ZNF8: variants seen among roughly 807,000 people sequenced by gnomAD.
The protein encoded by ZNF8 is zinc finger protein 8, also known as zinc finger protein 272.
A neutral mutation model predicts 12.2 loss-of-function variants in ZNF8; 9 were observed. That is an observed-to-expected ratio of 0.73 (90% CI 0.44 to 1.28). The LOEUF is 1.28. ZNF8 is among the 50% of genes most tolerant of loss of function. ZNF8 has a pLI of 0.00. For missense variants in ZNF8, 664 were observed against 729.1 expected (o/e 0.91, Z 1.03); for synonymous variants, 274 against 282.3 (o/e 0.97, Z 0.30).
intron 1 of ZNF8, among the ~76,000 whole-genome samples, chr19:58,283,056 C>T (rs1331746162): frequency 6.6e-6 from 1 of 151,412 alleles, no homozygotes; most frequent in Non-Finnish European, 1.5e-5. Flanking sequence ...TGGCTTGCTG[C>T]AACCTCCACT....
intron 3 of ZNF8, among the ~76,000 whole-genome samples, chr19:58,291,076 C>A (rs1236423884): frequency 6.6e-6 from 1 of 152,106 alleles, no homozygotes; most frequent in Non-Finnish European, 1.5e-5. Flanking sequence ...AGGCAGATCC[C>A]ACTCCCAGTG....
At chr19:58,285,545 A>G (rs1329456841) in intron 1 of ZNF8, among the ~76,000 whole-genome samples, 172 bp from the exon 2 acceptor site, 3 of 152,092 alleles carry the variant, frequency 2.0e-5, no homozygotes, top group African/African-American at 7.2e-5. Flanking sequence ...TGTACAACCC[A>G]CACCTATGTG....
Position 58,295,257 on chromosome 19 carries a change from C to T in ZNF8, c.1449C>T (p.Ile483=). 1 of 1,614,228 alleles carries T rather than the reference C, an allele frequency of 6.2e-7. No individual in the cohort carries two copies. The highest frequency in any genetic ancestry group is 8.5e-7 in the Non-Finnish European group (1 of 1,180,034). ...GKCFIQSSHL[I]RHQITHTREE... ...GTTTCATTCAGAGCTCTCACCTCAT[C>T]CGGCACCAGATAACTCACACCAGAG... The change falls in exon 4 of 4, where the codon ATC becomes ATT. Residue 483 remains isoleucine, a synonymous_variant. Coordinates refer to ENST00000621650, the MANE Select transcript of ZNF8 (RefSeq NM_021089.3).
rs260472 is a variant in ZNF8, at chr19:58,296,391, A to G, written c.*855A>G. On this transcript the variant is annotated 3_prime_UTR_variant, in exon 4 of 4. Coordinates refer to ENST00000621650, the MANE Select transcript of ZNF8 (RefSeq NM_021089.3). Reference sequence around the variant, plus strand: ...ACATCTGGTGTTGCTATGAGCCAGAAGTTCTTTTTTTTGTTTTTTGTCTGA... The same window carrying G: ...ACATCTGGTGTTGCTATGAGCCAGAGGTTCTTTTTTTTGTTTTTTGTCTGA... 0.96 allele frequency: 146,738 copies of G among 152,184 alleles called. 70,966 individuals carry two copies. Among genetic ancestry groups the G allele is most frequent in the Admixed American group, 0.98 (14,987 of 15,286 alleles). 9.4% of individuals were successfully genotyped at this position (152,184 alleles called of 1,614,324 possible). A position where few individuals can be genotyped will look rare whatever the true frequency, so the allele number is the denominator to read the frequency against.
rs2051492008 is a variant in ZNF8 at position 58,301,631 on chromosome 19, C to T, written c.*6095C>T. 6.6e-6 allele frequency: 1 copy of T among 152,456 alleles called. No individual in the cohort carries two copies. The highest frequency in any genetic ancestry group is 2.4e-5 in the African/African-American group (1 of 41,464). The allele number at this position is 152,456 out of a possible 1,614,324, so 9.4% of individuals were successfully genotyped here. On this transcript the variant is annotated 3_prime_UTR_variant, in exon 4 of 4. Coordinates refer to ENST00000621650, the MANE Select transcript of ZNF8 (RefSeq NM_021089.3). The stretch of plus-strand genomic sequence containing the variant: ...GCCTCATTCCCTCCACCTTGGCCCC[C>T]AAAATGGCCAGTCCTGAAGGGGTCA...
At chr19:58,291,214 G>A (rs1314239347) in intron 3 of ZNF8, among the ~76,000 whole-genome samples, 2 of 152,028 alleles carry the variant, frequency 1.3e-5, no homozygotes, top group Admixed American at 6.5e-5. Context: ...CCTGCTGCAG[G>A]TCACCTCCTG....
At position 58,296,919 on chromosome 19, in the gene ZNF8, C is replaced by T. The variant is rs565556167; in HGVS notation, c.*1383C>T. Reference sequence around the variant, plus strand: ...AAGCCACCTGGGTATAAACCCAGCCCAGAAATGTAGCTGACATTTTTAAAA... The same window carrying T: ...AAGCCACCTGGGTATAAACCCAGCCTAGAAATGTAGCTGACATTTTTAAAA... On this transcript the variant is annotated 3_prime_UTR_variant, in exon 4 of 4. Coordinates refer to ENST00000621650, the MANE Select transcript of ZNF8 (RefSeq NM_021089.3). 2 of 152,276 alleles carry T rather than the reference C, an allele frequency of 1.3e-5. No individual in the cohort carries two copies. The highest frequency in any genetic ancestry group is 1.3e-4 in the Admixed American group (2 of 15,294). The allele number at this position is 152,276 out of a possible 1,614,324, so 9.4% of individuals were successfully genotyped here.
chr19:58,282,275 C>A (rs1259645523), intron 1 of ZNF8, among the ~76,000 whole-genome samples: 1 of 152,038 alleles, frequency 6.6e-6, no homozygotes, highest in Non-Finnish European at 1.5e-5. Flanking sequence ...TGTGTATCTT[C>A]TTTTATATAT....
chr19:58,294,967 C>T lies in ZNF8; in HGVS notation c.1159C>T (p.His387Tyr). 6.2e-7 allele frequency: 1 copy of T among 1,614,156 alleles called. No individual in the cohort carries two copies. Reference protein sequence around the residue: ...SFSRTTCLFLHLRTHTEERPY... With the variant: ...SFSRTTCLFLYLRTHTEERPY... The stretch of plus-strand genomic sequence containing the variant: ...CTCTCGGACCACTTGCCTTTTCCTG[C>T]ACCTGAGAACTCACACCGAGGAGAG... The change falls in exon 4 of 4, where the codon CAC becomes TAC. Residue 387 changes from histidine (H) to tyrosine (Y), a missense_variant. His to Tyr is a moderately conservative substitution (Grantham distance 83, BLOSUM62 2). Transcript: ENST00000621650. The surrounding 1 kb of genome is among the most constrained non-coding windows in gnomAD (Gnocchi z 5.5).
intron 3 of ZNF8, among the ~76,000 whole-genome samples, chr19:58,288,023 CTT>C (rs11285289): frequency 0.66 from 90,196 of 135,836 alleles, 29,949 homozygotes; most frequent in Middle Eastern, 0.72. Flanking sequence ...TTTGTGTGTC[CTT>C]TTTTTTTTTT....
At chr19:58,287,529 C>T (rs1465331630) in intron 3 of ZNF8, among the ~76,000 whole-genome samples, 1 of 148,162 alleles carries the variant, frequency 6.7e-6, no homozygotes, top group Non-Finnish European at 1.5e-5. Context: ...TGTAGAGACA[C>T]AGTTGCACTG....
intron 1 of ZNF8, among the ~76,000 whole-genome samples, chr19:58,283,357 GTTGATAGTA>G (rs2051362195): frequency 2.0e-5 from 3 of 152,270 alleles, no homozygotes; most frequent in South Asian, 4.1e-4. Flanking sequence ...AATTTCATGT[GTTGATAGTA>G]TTTGAAGGTG....
At position 58,295,195 on chromosome 19, in the gene ZNF8, A is replaced by C; in HGVS notation, c.1387A>C (p.Ser463Arg). Reference protein sequence around the residue: ...PLSQDERTHRSDRPFKCNQCG... With the variant: ...PLSQDERTHRRDRPFKCNQCG... ...GAGTCAAGATGAGAGGACTCACCGAAGCGACAGACCCTTCAAATGTAATCA... is the reference window on the plus strand; with the variant it reads ...GAGTCAAGATGAGAGGACTCACCGACGCGACAGACCCTTCAAATGTAATCA... Residue 463 changes from serine (S) to arginine (R), a missense_variant, in exon 4 of 4, where the codon AGC (serine) becomes CGC (arginine). Around this residue, in one of 3 missense-constraint regions of ZNF8, gnomAD observed 225 missense variants for 222.0 expected, o/e 1.01. Transcript: ENST00000621650. 1 of 1,614,190 alleles carries C rather than the reference A, an allele frequency of 6.2e-7. No individual in the cohort carries two copies. Among genetic ancestry groups the C allele is most frequent in the Non-Finnish European group, 8.5e-7 (1 of 1,180,042 alleles).
In ZNF8 at chr19:58,300,128, A is replaced by G. The variant is rs2051482658; in HGVS notation, c.*4592A>G. On this transcript the variant is annotated 3_prime_UTR_variant, in exon 4 of 4. Coordinates refer to ENST00000621650, the MANE Select transcript of ZNF8 (RefSeq NM_021089.3). ...GTTCTGTGAGTTAGTACCATTTTATAGATAGGCAAAATTTGGCACAGGACA... is the reference window on the plus strand; with the variant it reads ...GTTCTGTGAGTTAGTACCATTTTATGGATAGGCAAAATTTGGCACAGGACA... 1 of 152,234 alleles carries G rather than the reference A, an allele frequency of 6.6e-6. No individual in the cohort carries two copies. The allele number at this position is 152,234 out of a possible 1,614,324, so 9.4% of individuals were successfully genotyped here. A position where few individuals can be genotyped will look rare whatever the true frequency, so the allele number is the denominator to read the frequency against.
intron 3 of ZNF8, 62 bp downstream of exon 3, chr19:58,286,267 C>A: frequency 6.8e-7 from 1 of 1,464,446 alleles, no homozygotes; most frequent in Non-Finnish European, 9.5e-7. Flanking sequence ...TGGAGATGCA[C>A]TTCATGGAAA....
intron 3 of ZNF8, among the ~76,000 whole-genome samples, chr19:58,293,444 G>A (rs1000280390): frequency 6.6e-6 from 1 of 152,226 alleles, no homozygotes; most frequent in Non-Finnish European, 1.5e-5. Flanking sequence ...GTGCGGTGAG[G>A]TGTACCCAGA....
Position 58,295,583 on chromosome 19 carries a change from T to C in ZNF8, c.*47T>C. On this transcript the variant is annotated 3_prime_UTR_variant, in exon 4 of 4. Coordinates refer to ENST00000621650, the MANE Select transcript of ZNF8 (RefSeq NM_021089.3). ...TTTTAACCACAAGTAAAAAATGTGG[T>C]AAGTCCACATAGTGTACTCATGGAA... 1.4e-6 allele frequency: 2 copies of C among 1,445,298 alleles called. No individual in the cohort carries two copies. The highest frequency in any genetic ancestry group is 1.9e-6 in the Non-Finnish European group (2 of 1,056,024). The allele number at this position is 1,445,298 out of a possible 1,614,324, so 89.5% of individuals were successfully genotyped here. A position where few individuals can be genotyped will look rare whatever the true frequency, so the allele number is the denominator to read the frequency against.
chr19:58,292,253 C>T (rs562594511), intron 3 of ZNF8, among the ~76,000 whole-genome samples: 61 of 152,210 alleles, frequency 4.0e-4, no homozygotes, highest in Non-Finnish European at 7.5e-4. Flanking sequence ...AAAATACCAC[C>T]GCCTGGGTGT....
rs752494606 is a variant in ZNF8 at position 58,295,261 on chromosome 19, C to G, written c.1453C>G (p.His485Asp). 6.2e-7 allele frequency: 1 copy of G among 1,614,242 alleles called. No individual in the cohort carries two copies. The highest frequency in any genetic ancestry group is 1.1e-5 in the South Asian group (1 of 91,084). ...CFIQSSHLIR[H>D]QITHTREEQP... The stretch of plus-strand genomic sequence containing the variant: ...CATTCAGAGCTCTCACCTCATCCGG[C>G]ACCAGATAACTCACACCAGAGAGGA... Residue 485 changes from histidine (H) to aspartate (D), a missense_variant, in exon 4 of 4, where the codon CAC becomes GAC. Physicochemically the swap from His to Asp is moderately conservative, Grantham distance 81 (BLOSUM62 -1). Around this residue, in one of 3 missense-constraint regions of ZNF8, gnomAD observed 225 missense variants for 222.0 expected, o/e 1.01. Transcript: ENST00000621650.
Sources: gnomAD v4.1 joint callset for allele counts (sites outside exome capture counted in the v4.1 genomes callset) on GRCh38, gnomAD v4.1.1 for gene constraint, gnomAD v4.1.1 regional missense constraint, Gnocchi (gnomAD v3.1) non-coding constraint, MANE v1.5 for transcripts, NCBI Gene and HGNC (gene_info 2026-07-23, HGNC 2026-07-21) for gene names.